The following LZTFL1 variants were observed in gnomAD, a reference collection of about 807,000 sequenced individuals.
The protein encoded by LZTFL1 is leucine zipper transcription factor like 1, also known as leucine zipper transcription factor-like protein 1.
LZTFL1 carries 25 observed loss-of-function variants against 45.9 expected under a neutral mutation model. The observed-to-expected ratio is 0.54, with a 90% confidence interval of 0.40 to 0.76. LZTFL1 has a LOEUF of 0.76. Ranked by LOEUF, LZTFL1 falls within the 30% of genes least tolerant of loss-of-function variation. The pLI is 0.00. For missense variants in LZTFL1, 277 were observed against 331.1 expected, an observed-to-expected ratio of 0.84 and a Z score of 1.27; for synonymous variants, 93 against 117.4, an observed-to-expected ratio of 0.79 and a Z score of 1.35.
chr3:45,873,534 C>A (rs777921640), intron 2 of LZTFL1, among the ~76,000 whole-genome samples: 31 of 152,276 alleles, frequency 2.0e-4, no homozygotes, highest in South Asian at 4.1e-4. Context: ...CATAGTAAAG[C>A]AGTGAACTAT....
At chr3:45,909,550 G>A (rs1423572400) in intron 2 of LZTFL1, among the ~76,000 whole-genome samples, 1 of 152,004 alleles carries the variant, frequency 6.6e-6, no homozygotes, top group Non-Finnish European at 1.5e-5. Flanking sequence ...GAAAATCCAA[G>A]ACATCATGCA....
chr3:45,913,008 T>A (rs754662887), intron 2 of LZTFL1: 344 of 1,084,892 alleles, frequency 3.2e-4, no homozygotes, highest in Non-Finnish European at 4.1e-4. Context: ...TTATAAGTCA[T>A]CAGATAATCT....
At chr3:45,904,462 G>A (rs1440154376) in intron 2 of LZTFL1, among the ~76,000 whole-genome samples, 3 of 152,204 alleles carry the variant, frequency 2.0e-5, no homozygotes, top group Non-Finnish European at 4.4e-5. Flanking sequence ...GGCCTTGTGA[G>A]TTGCCCTGAT....
Position 45,901,413 on chromosome 3 carries a change from A to G in LZTFL1, c.-215+11707T>C. ...GGTTTACCCTAGCGATGAGAGCACC[A>G]AACTGAAGTCAGCTGTCTTGACCCT... On this transcript the variant is annotated intron_variant, in intron 2 of 4. Coordinates refer to the LZTFL1 transcript ENST00000472635. This position sits in a 1 kb window ranked among gnomAD's most constrained non-coding sequence, Gnocchi z 4.3. 1 of 1,614,226 alleles carries G rather than the reference A, an allele frequency of 6.2e-7. No individual in the cohort carries two copies. Among genetic ancestry groups the G allele is most frequent in the South Asian group, 1.1e-5 (1 of 91,086 alleles).
intron 2 of LZTFL1, among the ~76,000 whole-genome samples, chr3:45,893,457 C>A (rs1702254277): frequency 6.6e-6 from 1 of 152,124 alleles, no homozygotes; most frequent in African/African-American, 2.4e-5. Flanking sequence ...GCCCAGCCAC[C>A]TCCCCTTCTC....
chr3:45,888,710 C>T (rs562321764), intron 2 of LZTFL1, among the ~76,000 whole-genome samples: 24 of 152,240 alleles, frequency 1.6e-4, no homozygotes, highest in South Asian at 8.3e-4. Context: ...ATATTTTTCC[C>T]GCTTTCTCAC....
intron 2 of LZTFL1, chr3:45,902,258 A>G (rs1320547980): frequency 5.0e-6 from 1 of 199,222 alleles, no homozygotes; most frequent in Admixed American, 5.9e-5. Flanking sequence ...TTCAGTTCTC[A>G]TGCTGCCTCT....
At chr3:45,910,766 T>C (rs1702780130) in intron 2 of LZTFL1, among the ~76,000 whole-genome samples, 1 of 152,248 alleles carries the variant, frequency 6.6e-6, no homozygotes, top group African/African-American at 2.4e-5. Flanking sequence ...TCAATTCAGC[T>C]GTGTCCTGGT....
intron 4 of LZTFL1, among the ~76,000 whole-genome samples, chr3:45,850,014 C>T (rs921160978): frequency 2.0e-5 from 3 of 152,196 alleles, no homozygotes; most frequent in African/African-American, 7.2e-5. Context: ...GTCGTGTCCA[C>T]ATAAGAAGGT....
chr3:45,883,220 GT>G (rs548902838), intron 2 of LZTFL1, among the ~76,000 whole-genome samples: 1 of 152,270 alleles, frequency 6.6e-6, no homozygotes, highest in East Asian at 1.9e-4. Context: ...TTTCTGCAAA[GT>G]TTTTATTCAT....
chr3:45,834,326 T>C, intron 3 of LZTFL1, 28 bp from the exon 4 acceptor site: 3 of 1,428,502 alleles, frequency 2.1e-6, no homozygotes, highest in Non-Finnish European at 2.9e-6. Flanking sequence ...AGATAAAAAT[T>C]ATTCATTTAA....
chr3:45,901,073 C>T lies in LZTFL1; in HGVS notation c.-215+12047G>A. ...TTTTGAATTTGGCAATTGCTGACCT[C>T]CTCTTTCTTGTCACTCTTCCCTTCT... On this transcript the variant is annotated intron_variant, in intron 2 of 4. Coordinates refer to the LZTFL1 transcript ENST00000472635. This position sits in a 1 kb window ranked among gnomAD's most constrained non-coding sequence, Gnocchi z 4.3. The T allele has an allele frequency of 6.2e-7, 1 of 1,614,186 alleles. No homozygotes were observed. The highest frequency in any genetic ancestry group is 8.5e-7 in the Non-Finnish European group (1 of 1,180,022).
intron 2 of LZTFL1, among the ~76,000 whole-genome samples, chr3:45,871,250 C>A (rs1239724797): frequency 6.6e-6 from 1 of 152,192 alleles, no homozygotes; most frequent in African/African-American, 2.4e-5. Context: ...ACAAGGAATG[C>A]AAACTTTGTA....
intron 2 of LZTFL1, chr3:45,883,879 G>T (rs1701912266): frequency 3.8e-6 from 2 of 519,880 alleles, no homozygotes; most frequent in South Asian, 2.5e-5. Flanking sequence ...CTAGAAGCAG[G>T]CCCAGGAGCA....
intron 4 of LZTFL1, among the ~76,000 whole-genome samples, chr3:45,853,842 A>G (rs1171284875): frequency 6.6e-6 from 1 of 152,218 alleles, no homozygotes; most frequent in African/African-American, 2.4e-5. Flanking sequence ...CACCTTTTCT[A>G]TAGTCAGCTG....
chr3:45,872,148 T>C (rs1701680401), intron 2 of LZTFL1, among the ~76,000 whole-genome samples: 2 of 151,882 alleles, frequency 1.3e-5, no homozygotes, highest in African/African-American at 2.4e-5. Context: ...GTCTGGGGGC[T>C]TGAGAAAATT....
At chr3:45,909,700 C>CGGAGTCCCCT (rs1046006194) in intron 2 of LZTFL1, among the ~76,000 whole-genome samples, 4 of 152,336 alleles carry the variant, frequency 2.6e-5, no homozygotes, top group African/African-American at 9.6e-5. Flanking sequence ...GAAGGAGGGA[C>CGGAGTCCCCT]GGAGTCCCCT....
At chr3:45,872,727 G>A (rs6789169) in intron 2 of LZTFL1, among the ~76,000 whole-genome samples, 20 of 152,358 alleles carry the variant, frequency 1.3e-4, no homozygotes, top group African/African-American at 3.8e-4. Context: ...TTTAACTGGG[G>A]AGACAACAGA....
chr3:45,858,103 C>T (rs1342016902), intron 3 of LZTFL1, among the ~76,000 whole-genome samples: 1 of 152,150 alleles, frequency 6.6e-6, no homozygotes, highest in African/African-American at 2.4e-5. Context: ...CACTCCTTTA[C>T]ACATTCAATT....
Sources: gnomAD v4.1 joint callset for allele counts (sites outside exome capture counted in the v4.1 genomes callset) on GRCh38, gnomAD v4.1.1 for gene constraint, Gnocchi (gnomAD v3.1) non-coding constraint, MANE v1.5 for transcripts, NCBI Gene and HGNC (gene_info 2026-07-23, HGNC 2026-07-21) for gene names.